FAM135B: variants seen among roughly 807,000 people sequenced by gnomAD.
FAM135B encodes protein FAM135B.
In FAM135B, 43 loss-of-function variants were observed where a neutral mutation model predicts 127.7. That is an observed-to-expected ratio of 0.34 (90% CI 0.26 to 0.43). The LOEUF (loss-of-function observed/expected upper bound fraction) is 0.43, where lower values mean the gene tolerates loss of function less well. Among genes scored for constraint, FAM135B ranks in the 20% least tolerant of loss-of-function variants. The probability of loss-of-function intolerance (pLI) is 1.00; values close to 1 mark genes in which losing one functional copy is unlikely to be tolerated. For synonymous variants in FAM135B, 670 were observed against 665.1 expected (o/e 1.01, Z -0.11); for missense variants, 1,558 against 1,725.6 (o/e 0.90, Z 1.72).
intron 1 of FAM135B, among the ~76,000 whole-genome samples, chr8:138,385,627 A>G (rs1832151846): frequency 1.3e-5 from 2 of 151,904 alleles, no homozygotes; most frequent in Admixed American, 6.6e-5. Flanking sequence ...CCTGGCCAAC[A>G]TGGTGAAACA....
chr8:138,492,416 C>T (rs1240499001), intron 1 of FAM135B, among the ~76,000 whole-genome samples: 2 of 152,106 alleles, frequency 1.3e-5, no homozygotes, highest in Non-Finnish European at 2.9e-5. Flanking sequence ...TACCTGAAGT[C>T]AAGCATCTCT....
At position 138,322,144 on chromosome 8, in the gene FAM135B, A is replaced by G. The variant is rs1189742821; in HGVS notation, c.78-11224T>C. Among the ~76,000 whole-genome samples, 5 of 152,316 alleles carry G rather than the reference A, an allele frequency of 3.3e-5. No homozygotes were observed. The East Asian group carries it at 9.6e-4, about 29-fold the overall frequency. ...TGATATGAATGTGCAGGGGAACTTTATTTTTAAATGATAGTGAAAACATTG... is the reference window on the plus strand; with the variant it reads ...TGATATGAATGTGCAGGGGAACTTTGTTTTTAAATGATAGTGAAAACATTG... On this transcript the variant is annotated intron_variant, in intron 2 of 19. Coordinates refer to ENST00000395297, the MANE Select transcript of FAM135B (RefSeq NM_015912.4).
intron 3 of FAM135B, among the ~76,000 whole-genome samples, chr8:138,300,711 C>G (rs1056014242): frequency 7.0e-6 from 1 of 142,364 alleles, no homozygotes; most frequent in Non-Finnish European, 1.5e-5. Flanking sequence ...TGAATTTCCT[C>G]TTCAATATTT....
At chr8:138,442,297 A>C (rs1835851423) in intron 1 of FAM135B, among the ~76,000 whole-genome samples, 1 of 129,200 alleles carries the variant, frequency 7.7e-6, no homozygotes, top group African/African-American at 2.9e-5. Flanking sequence ...TGGCAGTTGA[A>C]TATCTTTTTA....
chr8:138,494,565 G>A (rs1484146887), intron 1 of FAM135B, among the ~76,000 whole-genome samples: 3 of 152,146 alleles, frequency 2.0e-5, no homozygotes. Context: ...GTTATTCTAG[G>A]CAGGGACACC....
In FAM135B at chr8:138,312,127, A is replaced by G. The variant is rs74652047; in HGVS notation, c.78-1207T>C. On this transcript the variant is annotated intron_variant, in intron 2 of 19. Transcript: ENST00000395297. ...ACGCCTGGCTAATTTTTGTATTTTT[A>G]GTAGAGACGGGGTTTCACCATGTTG... Among the ~76,000 whole-genome samples, 489 of 152,172 alleles carry G rather than the reference A, an allele frequency of 3.2e-3. 11 individuals are homozygous for G. The East Asian group carries it at 0.055, about 17-fold the overall frequency.
At chr8:138,252,476 T>A (rs1282079687) in intron 5 of FAM135B, among the ~76,000 whole-genome samples, 2 of 152,162 alleles carry the variant, frequency 1.3e-5, no homozygotes, top group Non-Finnish European at 2.9e-5. Context: ...GTTAAATACA[T>A]GTCAGTGTCG....
rs191470526 is a variant in FAM135B, at chr8:138,372,838, C to T, written c.-19-4836G>A. On this transcript the variant is annotated intron_variant, in intron 1 of 19. Coordinates refer to ENST00000395297, the MANE Select transcript of FAM135B (RefSeq NM_015912.4). ...GTGCCCCTTACTGACCTGCCCTGTGCTGGGAGCTTTCTAGCCATCCCAGCT... is the reference window on the plus strand; with the variant it reads ...GTGCCCCTTACTGACCTGCCCTGTGTTGGGAGCTTTCTAGCCATCCCAGCT... Among the ~76,000 whole-genome samples the T allele has an allele frequency of 1.7e-3, 261 of 152,268 alleles. 2 individuals are homozygous for T. The highest frequency in any genetic ancestry group is 6.1e-3 in the African/African-American group (252 of 41,546).
intron 14 of FAM135B, 77 bp downstream of exon 14, chr8:138,148,440 ACCT>A (rs3215420): frequency 0.039 from 44,502 of 1,136,626 alleles, 1,700 homozygotes; most frequent in East Asian, 0.22. Flanking sequence ...TTGAATGAAT[ACCT>A]CATCTAAATT....
chr8:138,376,236 C>A (rs1262667042), intron 1 of FAM135B, among the ~76,000 whole-genome samples: 1 of 152,140 alleles, frequency 6.6e-6, no homozygotes, highest in Admixed American at 6.5e-5. Context: ...AACCATTGCA[C>A]CTGGCCCAGG....
At chr8:138,286,575 C>T (rs551474466) in intron 3 of FAM135B, among the ~76,000 whole-genome samples, 6 of 152,240 alleles carry the variant, frequency 3.9e-5, no homozygotes, top group Admixed American at 2.0e-4. Context: ...CAATCCCAGG[C>T]AACAAGAGGA....
At chr8:138,154,817 A>G (rs201694147) in intron 12 of FAM135B, among the ~76,000 whole-genome samples, 1 of 152,284 alleles carries the variant, frequency 6.6e-6, no homozygotes, top group South Asian at 2.1e-4. Flanking sequence ...ATATACATCT[A>G]ATTCGTGTAC....
chr8:138,408,784 G>A (rs1364974691), intron 1 of FAM135B, among the ~76,000 whole-genome samples: 1 of 151,954 alleles, frequency 6.6e-6, no homozygotes, highest in Non-Finnish European at 1.5e-5. Flanking sequence ...GAACAGCATG[G>A]GGGAAATCAC....
Position 138,137,221 on chromosome 8 carries a change from G to C in FAM135B, c.3941C>G (p.Pro1314Arg). The C allele has an allele frequency of 6.2e-7, 1 of 1,612,524 alleles. No homozygotes were observed. Among genetic ancestry groups the C allele is most frequent in the South Asian group, 1.1e-5 (1 of 91,034 alleles). The stretch of plus-strand genomic sequence containing the variant: ...ATGAAATGGCACATAACGGTCTTGG[G>C]GAGAAGCAACCAGCACGACGTTTTT... ...YFKNVVLVAS[P>R]QDRYVPFHSA... The change falls in exon 19 of 20, where the codon CCC becomes CGC. Residue 1314 changes from proline (P) to arginine (R), a missense_variant. Pro to Arg is a moderately radical substitution (Grantham distance 103). This residue lies in a region of FAM135B where 194 missense variants were observed against 333.8 expected (regional missense o/e 0.58). Transcript: ENST00000395297.
chr8:138,139,764 C>G (rs1300311857), intron 17 of FAM135B, among the ~76,000 whole-genome samples: 1 of 152,142 alleles, frequency 6.6e-6, no homozygotes, highest in Non-Finnish European at 1.5e-5. Flanking sequence ...AAGACTCTCT[C>G]TCAAAAAACA....
chr8:138,308,572 A>C (rs1160090633), intron 3 of FAM135B, among the ~76,000 whole-genome samples: 2 of 152,208 alleles, frequency 1.3e-5, no homozygotes, highest in African/African-American at 2.4e-5. Flanking sequence ...GTAAAGCTCA[A>C]GGCATACCAA....
chr8:138,192,186 A>G (rs1318566598), intron 9 of FAM135B, among the ~76,000 whole-genome samples: 1 of 152,272 alleles, frequency 6.6e-6, no homozygotes. Context: ...AGAAAAAGGC[A>G]TCAATGAAAC....
In FAM135B at chr8:138,178,764, T is replaced by A. The variant is rs1246965742; in HGVS notation, c.874-74A>T. 3.7e-6 allele frequency: 5 copies of A among 1,359,564 alleles called. No individual in the cohort carries two copies. The East Asian group carries it at 9.2e-5, about 25-fold the overall frequency. The allele number at this position is 1,359,564 out of a possible 1,614,324, so 84.2% of individuals were successfully genotyped here. A position where few individuals can be genotyped will look rare whatever the true frequency, so the allele number is the denominator to read the frequency against. On this transcript the variant is annotated intron_variant, in intron 9 of 19. Transcript: ENST00000395297. ...CAGGAGCAGTCTTCTTCCTGAAGTC[T>A]TTACTGACTTTTCTGTTTTCAATAA...
chr8:138,312,929 T>A (rs543056882), intron 2 of FAM135B, among the ~76,000 whole-genome samples: 30 of 152,326 alleles, frequency 2.0e-4, no homozygotes, highest in African/African-American at 6.0e-4. Flanking sequence ...GCAAAAGCAA[T>A]TCAATGGAGC....
Sources: allele counts gnomAD v4.1 joint callset (sites outside exome capture counted in the v4.1 genomes callset), GRCh38; gene constraint gnomAD v4.1.1; regional missense constraint gnomAD v4.1.1; transcripts MANE v1.5; gene names NCBI Gene and HGNC (gene_info 2026-07-23, HGNC 2026-07-21).